The following FAM184A variants were observed in gnomAD, a reference collection of about 807,000 sequenced individuals.
FAM184A encodes the protein protein FAM184A.
FAM184A carries 99 observed loss-of-function variants against 143.8 expected under a neutral mutation model. The observed-to-expected ratio is 0.69, with a 90% confidence interval of 0.58 to 0.81. The LOEUF (loss-of-function observed/expected upper bound fraction) is 0.81, where lower values mean the gene tolerates loss of function less well. Ranked by LOEUF, FAM184A falls within the 40% of genes least tolerant of loss-of-function variation. The pLI, the probability that FAM184A is intolerant of heterozygous loss-of-function variation, is 0.00. For synonymous variants in FAM184A, 427 were observed against 446.4 expected (o/e 0.96, Z 0.55); for missense variants, 1,217 against 1,310.5 (o/e 0.93, Z 1.10).
At chr6:119,084,208 C>T (rs1562143858) in intron 1 of FAM184A, among the ~76,000 whole-genome samples, 1 of 152,158 alleles carries the variant, frequency 6.6e-6, no homozygotes, top group Non-Finnish European at 1.5e-5. Flanking sequence ...TCAATCACCT[C>T]CCAGCAGGTC....
Position 119,023,062 on chromosome 6 carries a change from C to G in FAM184A, c.1033G>C (p.Asp345His). ...GCCATTTCTCCCTCCTTGGCATCAT[C>G]AAGCTGTTTTTGAAGAACCTAAGAA... ...NNVQVLQKQL[D>H]DAKEGEMALL... Residue 345 changes from aspartate (D) to histidine (H), a missense_variant, in exon 3 of 18, where the codon GAT (aspartate) becomes CAT (histidine). Transcript: ENST00000338891. 6.2e-7 allele frequency: 1 copy of G among 1,614,072 alleles called. No homozygotes were observed. Among genetic ancestry groups the G allele is most frequent in the South Asian group, 1.1e-5 (1 of 91,078 alleles).
intron 1 of FAM184A, among the ~76,000 whole-genome samples, chr6:119,047,208 A>G (rs148366779): frequency 3.8e-4 from 58 of 152,308 alleles, no homozygotes; most frequent in African/African-American, 1.4e-3. Flanking sequence ...AAAATGGCTT[A>G]TATCTAAAAG....
intron 1 of FAM184A, among the ~76,000 whole-genome samples, chr6:119,057,703 T>C (rs1020219525): frequency 1.3e-5 from 2 of 152,128 alleles, no homozygotes; most frequent in Admixed American, 6.5e-5. Context: ...TGATTGAGCC[T>C]GTGCACTCCA....
intron 1 of FAM184A, among the ~76,000 whole-genome samples, chr6:119,086,044 A>C (rs1475218946): frequency 2.0e-5 from 3 of 152,170 alleles, no homozygotes; most frequent in Non-Finnish European, 4.4e-5. Context: ...GGACATTACA[A>C]TTCCACATGA....
chr6:118,981,751 CAG>C (rs1375567828), intron 9 of FAM184A, among the ~76,000 whole-genome samples: 4 of 152,132 alleles, frequency 2.6e-5, no homozygotes, highest in Non-Finnish European at 5.9e-5. Context: ...AGTTATCAAT[CAG>C]AGTTAGTTAT....
rs750420162 is a variant in FAM184A, at chr6:119,024,423, G to A, written c.550C>T (p.Arg184Ter). The A allele has an allele frequency of 3.1e-6, 5 of 1,613,964 alleles. No homozygotes were observed. The highest frequency in any genetic ancestry group is 1.7e-5 in the Admixed American group (1 of 59,986). ...QLQVQFEKDK[R>*]LALEDLQAAH... ...GCTTGCAAGTCTTCCAATGCCAATCGTTTGTCTTTTTCAAACTGTACTTGA... is the reference window on the plus strand; with the variant it reads ...GCTTGCAAGTCTTCCAATGCCAATCATTTGTCTTTTTCAAACTGTACTTGA... Residue 184 changes from arginine to a stop codon, truncating the protein, a stop_gained, in exon 2 of 18, where the codon CGA (arginine) becomes TGA (stop). Transcript: ENST00000338891. LOFTEE classifies it high-confidence loss of function.
In FAM184A at chr6:119,011,434, T is replaced by C. The variant is rs574879234; in HGVS notation, c.1531-3A>G. ...TTGTTATGTTGTTCTTCCAAATCCT[T>C]AGAAAAAGAAATTTTTTAAAAATTA... On this transcript the variant is annotated splice_polypyrimidine_tract_variant and splice_region_variant and intron_variant, in intron 5 of 17. Coordinates refer to ENST00000338891, the MANE Select transcript of FAM184A (RefSeq NM_024581.6). 1 of 1,504,128 alleles carries C rather than the reference T, an allele frequency of 6.6e-7. No homozygotes were observed. Among genetic ancestry groups the C allele is most frequent in the East Asian group, 2.3e-5 (1 of 43,166 alleles). 93.2% of individuals were successfully genotyped at this position (1,504,128 alleles called of 1,614,324 possible).
chr6:119,096,748 G>C (rs999042566), intron 1 of FAM184A, among the ~76,000 whole-genome samples: 4 of 151,954 alleles, frequency 2.6e-5, no homozygotes, highest in African/African-American at 9.7e-5. Context: ...GGGAGTGATA[G>C]CACTCTGGAT....
intron 8 of FAM184A, 143 bp from the exon 9 acceptor site, chr6:119,003,192 G>T: frequency 1.3e-6 from 1 of 759,402 alleles, no homozygotes. Flanking sequence ...TTACTTAAGG[G>T]CTGTAAAGTA....
At chr6:119,080,636 T>G (rs956119361), upstream of FAM184A, among the ~76,000 whole-genome samples, 1 of 152,220 alleles carries the variant, frequency 6.6e-6, no homozygotes, top group Non-Finnish European at 1.5e-5. Context: ...TTTAGGATTT[T>G]GGAATATTTG....
At chr6:119,145,974 C>A (rs535806694) in intron 1 of FAM184A, among the ~76,000 whole-genome samples, 65 of 152,240 alleles carry the variant, frequency 4.3e-4, no homozygotes, top group African/African-American at 1.5e-3. Flanking sequence ...ACACCAGAGC[C>A]AGAGCTCTTA....
At chr6:119,108,856 C>G (rs1788857967) in intron 1 of FAM184A, among the ~76,000 whole-genome samples, 1 of 152,170 alleles carries the variant, frequency 6.6e-6, no homozygotes, top group African/African-American at 2.4e-5. Flanking sequence ...CTCCAGGAAA[C>G]AGAAGTGACT....
At chr6:119,032,176 G>A (rs1785896711) in intron 1 of FAM184A, among the ~76,000 whole-genome samples, 3 of 151,958 alleles carry the variant, frequency 2.0e-5, no homozygotes, top group Admixed American at 2.0e-4. Context: ...GGAGGCTGAG[G>A]CAGAAGAATT....
In FAM184A at chr6:118,979,091, A is replaced by G. The variant is rs371092941; in HGVS notation, c.2455+274T>C. On this transcript the variant is annotated intron_variant, in intron 11 of 17. Transcript: ENST00000338891. ...CAGTGATTGATTTCTGGGACACCTC[A>G]ATGTCCTGAGTCCACTTAGTCCAAA... Among the ~76,000 whole-genome samples the G allele has an allele frequency of 1.8e-4, 28 of 152,304 alleles. No individual in the cohort carries two copies. The East Asian group carries it at 2.5e-3, about 14-fold the overall frequency.
intron 6 of FAM184A, among the ~76,000 whole-genome samples, chr6:119,009,949 A>T (rs794259): frequency 2.6e-5 from 4 of 152,138 alleles, no homozygotes; most frequent in Non-Finnish European, 4.4e-5. Context: ...TCAGAATGAA[A>T]GTATTTAACT....
intron 1 of FAM184A, among the ~76,000 whole-genome samples, chr6:119,105,859 G>A (rs905900253): frequency 6.6e-6 from 1 of 152,222 alleles, no homozygotes; most frequent in African/African-American, 2.4e-5. Flanking sequence ...CAAATATCAA[G>A]CACATTTATT....
At chr6:118,961,688 T>A (rs1783330263) in intron 17 of FAM184A, 73 bp downstream of exon 17, 1 of 1,222,708 alleles carries the variant, frequency 8.2e-7, no homozygotes. Flanking sequence ...AAGTAGTGAT[T>A]TCTGCAATGT....
intron 1 of FAM184A, among the ~76,000 whole-genome samples, chr6:119,054,491 G>C (rs911371488): frequency 6.6e-6 from 1 of 152,122 alleles, no homozygotes. Context: ...TTTTATAAGG[G>C]AAGTAATCCA....
intron 1 of FAM184A, among the ~76,000 whole-genome samples, chr6:119,053,149 T>C (rs1786828186): frequency 6.6e-6 from 1 of 152,182 alleles, no homozygotes; most frequent in African/African-American, 2.4e-5. Flanking sequence ...ATTTGGGTCA[T>C]ACATACACTC....
Sources: gnomAD v4.1 joint callset for allele counts (sites outside exome capture counted in the v4.1 genomes callset) on GRCh38, gnomAD v4.1.1 for gene constraint, MANE v1.5 for transcripts, NCBI Gene and HGNC (gene_info 2026-07-23, HGNC 2026-07-21) for gene names.